The following DKK2 variants were observed in gnomAD, a reference collection of about 807,000 sequenced individuals.
DKK2 encodes dickkopf-related protein 2.
In DKK2, 11 loss-of-function variants were observed where a neutral mutation model predicts 28.1. The ratio of observed to expected loss-of-function variants is 0.39; its 90% CI spans 0.25 to 0.65. The LOEUF (loss-of-function observed/expected upper bound fraction) is 0.65. Ranked by LOEUF, DKK2 falls within the 30% of genes least tolerant of loss-of-function variation. The pLI, the probability that DKK2 is intolerant of heterozygous loss-of-function variation, is 0.47. For synonymous variants in DKK2, 135 were observed against 126.5 expected (o/e 1.07, Z -0.45); for missense variants, 326 against 335.5 (o/e 0.97, Z 0.22).
chr4:107,002,483 T>C (rs1723373669), intron 1 of DKK2, among the ~76,000 whole-genome samples: 1 of 152,164 alleles, frequency 6.6e-6, no homozygotes. Context: ...TATTTAGCTT[T>C]TTTGTTTTCT....
chr4:106,962,866 G>A (rs1722712734), intron 1 of DKK2, among the ~76,000 whole-genome samples: 1 of 151,502 alleles, frequency 6.6e-6, no homozygotes, highest in Non-Finnish European at 1.5e-5. Context: ...CTCAGATAAA[G>A]GATTAAAACC....
At chr4:106,984,085 C>G (rs1474352254) in intron 1 of DKK2, among the ~76,000 whole-genome samples, 1 of 152,192 alleles carries the variant, frequency 6.6e-6, no homozygotes, top group Non-Finnish European at 1.5e-5. Flanking sequence ...TATCCTACAA[C>G]CCAGTATTTA....
At chr4:106,939,184 A>T (rs184118904) in intron 1 of DKK2, among the ~76,000 whole-genome samples, 1,724 of 152,322 alleles carry the variant, frequency 0.011, 31 homozygotes, top group African/African-American at 0.04. Context: ...CCCTGTTTGC[A>T]GATGACATGA....
At chr4:107,013,423 C>A (rs1723542479) in intron 1 of DKK2, among the ~76,000 whole-genome samples, 1 of 151,344 alleles carries the variant, frequency 6.6e-6, no homozygotes, top group Non-Finnish European at 1.5e-5. Flanking sequence ...GTAAATGTAC[C>A]AAGAACATAC....
chr4:106,977,683 T>C (rs1003993796), intron 1 of DKK2, among the ~76,000 whole-genome samples: 6 of 152,204 alleles, frequency 3.9e-5, no homozygotes, highest in African/African-American at 1.4e-4. Flanking sequence ...GGTTAGAACA[T>C]GCTCCTTTAG....
At chr4:106,926,797 A>G (rs1189448931) in intron 1 of DKK2, among the ~76,000 whole-genome samples, 1 of 152,204 alleles carries the variant, frequency 6.6e-6, no homozygotes, top group Non-Finnish European at 1.5e-5. Flanking sequence ...ATGTGAAATA[A>G]TACAGAAGGT....
At chr4:107,007,018 A>T in intron 1 of DKK2, among the ~76,000 whole-genome samples, 1 of 152,124 alleles carries the variant, frequency 6.6e-6, no homozygotes. Flanking sequence ...TAGATGTCAT[A>T]AATAGAAGAC....
chr4:106,954,178 T>G (rs975656196), intron 1 of DKK2, among the ~76,000 whole-genome samples: 11 of 152,192 alleles, frequency 7.2e-5, no homozygotes, highest in Middle Eastern at 3.2e-3. Context: ...CTCTCCCAGA[T>G]GTAGCCAGTG....
intron 1 of DKK2, among the ~76,000 whole-genome samples, chr4:106,937,952 G>GAAA (rs1578348922): frequency 2.0e-5 from 3 of 147,550 alleles, no homozygotes; most frequent in East Asian, 4.0e-4. Context: ...CAGAATCTCT[G>GAAA]GGACGCATTC....
chr4:106,956,977 G>C (rs1220219175), intron 1 of DKK2, among the ~76,000 whole-genome samples: 2 of 151,574 alleles, frequency 1.3e-5, no homozygotes, highest in African/African-American at 4.9e-5. Flanking sequence ...CCTACAAAAT[G>C]GGAGAAAATT....
At chr4:106,931,877 A>G (rs183072005) in intron 1 of DKK2, among the ~76,000 whole-genome samples, 20 of 152,310 alleles carry the variant, frequency 1.3e-4, no homozygotes, top group Non-Finnish European at 1.9e-4. Flanking sequence ...AGATGCCCTG[A>G]TCAATCATTA....
At position 107,009,571 on chromosome 4, in the gene DKK2, C is replaced by T. The variant is rs761246801; in HGVS notation, c.222+25799G>A. Among the ~76,000 whole-genome samples the T allele has an allele frequency of 4.8e-4, 73 of 151,850 alleles. 1 individual carries two copies. The highest frequency in any genetic ancestry group is 1.9e-4 in the Non-Finnish European group (13 of 67,800). ...ATTTTAACATATGTAATAATTATAACACAAAGCTGGGTAGGAGTTTGCAGC... is the reference window on the plus strand; with the variant it reads ...ATTTTAACATATGTAATAATTATAATACAAAGCTGGGTAGGAGTTTGCAGC... On this transcript the variant is annotated intron_variant, in intron 1 of 3. Coordinates refer to ENST00000285311, the MANE Select transcript of DKK2 (RefSeq NM_014421.3).
chr4:107,035,198 C>T (rs950397546), intron 1 of DKK2, among the ~76,000 whole-genome samples, 172 bp downstream of exon 1: 3 of 152,086 alleles, frequency 2.0e-5, no homozygotes, highest in Admixed American at 2.0e-4. Context: ...CAGCAGCCAC[C>T]CAGACACCCC....
In DKK2 at chr4:106,960,729, T is replaced by C. The variant is rs192181394; in HGVS notation, c.223-34780A>G. Reference sequence around the variant, plus strand: ...TGTATTTATATTGTTATAAAATACATAAATTTTCCCTTGCATTCATTATAA... The same window carrying C: ...TGTATTTATATTGTTATAAAATACACAAATTTTCCCTTGCATTCATTATAA... On this transcript the variant is annotated intron_variant, in intron 1 of 3. Coordinates refer to ENST00000285311, the MANE Select transcript of DKK2 (RefSeq NM_014421.3). Among the ~76,000 whole-genome samples the C allele has an allele frequency of 5.6e-4, 86 of 152,274 alleles. No homozygotes were observed. In the East Asian group the frequency reaches 0.016, roughly 29 times the overall value.
chr4:107,000,808 G>A (rs1243738882), intron 1 of DKK2, among the ~76,000 whole-genome samples: 1 of 152,082 alleles, frequency 6.6e-6, no homozygotes, highest in Non-Finnish European at 1.5e-5. Flanking sequence ...GGCAAAAACA[G>A]AATTTGTATC....
At chr4:106,983,490 A>G (rs1436846390) in intron 1 of DKK2, among the ~76,000 whole-genome samples, 4 of 152,162 alleles carry the variant, frequency 2.6e-5, no homozygotes, top group Non-Finnish European at 5.9e-5. Context: ...ATGAAACAAT[A>G]AAAGTTTTAA....
chr4:106,931,167 G>A (rs1015982877), intron 1 of DKK2, among the ~76,000 whole-genome samples: 1 of 152,066 alleles, frequency 6.6e-6, no homozygotes. Flanking sequence ...GGATAAGGGT[G>A]TACTGGATGC....
At chr4:106,927,003 C>T (rs1472816630) in intron 1 of DKK2, among the ~76,000 whole-genome samples, 10 of 151,976 alleles carry the variant, frequency 6.6e-5, no homozygotes, top group Admixed American at 6.6e-4. Flanking sequence ...ATTTGTAAAC[C>T]TTTTTTTCTT....
At position 106,941,465 on chromosome 4, in the gene DKK2, T is replaced by C. The variant is rs1724697953; in HGVS notation, c.223-15516A>G. On this transcript the variant is annotated intron_variant, in intron 1 of 3. Coordinates refer to ENST00000285311, the MANE Select transcript of DKK2 (RefSeq NM_014421.3). Reference sequence around the variant, plus strand: ...TCCCATTTTCCAGCCTGATTCCTTCTCTAGGTATCTCAGGCCTATATTTAC... The same window carrying C: ...TCCCATTTTCCAGCCTGATTCCTTCCCTAGGTATCTCAGGCCTATATTTAC... 2.0e-5 allele frequency among the ~76,000 whole-genome samples: 3 copies of C among 152,174 alleles called. No individual in the cohort carries two copies. In the South Asian group the frequency reaches 6.2e-4, roughly 31 times the overall value.
Sources: allele counts gnomAD v4.1 joint callset (sites outside exome capture counted in the v4.1 genomes callset), GRCh38; gene constraint gnomAD v4.1.1; transcripts MANE v1.5; gene names NCBI Gene and HGNC (gene_info 2026-07-23, HGNC 2026-07-21).